SLC35F3: variants seen among roughly 807,000 people sequenced by gnomAD.
SLC35F3 encodes putative thiamine transporter SLC35F3.
In SLC35F3, 25 loss-of-function variants were observed where a neutral mutation model predicts 49.9. The ratio of observed to expected loss-of-function variants is 0.50; its 90% CI spans 0.37 to 0.70. The LOEUF is 0.70. Ranked by LOEUF, SLC35F3 falls within the 30% of genes least tolerant of loss-of-function variation. SLC35F3 has a pLI of 0.00. For synonymous variants in SLC35F3, 275 were observed against 265.4 expected (o/e 1.04, Z -0.35); for missense variants, 525 against 639.8 (o/e 0.82, Z 1.94).
At chr1:234,028,716 C>T (rs927582542) in intron 2 of SLC35F3, among the ~76,000 whole-genome samples, 1 of 152,198 alleles carries the variant, frequency 6.6e-6, no homozygotes, top group African/African-American at 2.4e-5. Context: ...GGCAAAGCTA[C>T]AGGAGGTGGG....
intron 2 of SLC35F3, among the ~76,000 whole-genome samples, chr1:234,126,342 G>A (rs1334322273): frequency 6.6e-6 from 1 of 152,126 alleles, no homozygotes; most frequent in Non-Finnish European, 1.5e-5. Context: ...ATATGTTGTT[G>A]TAAGAGGTAA....
chr1:233,951,912 A>G (rs1395966877), intron 2 of SLC35F3, among the ~76,000 whole-genome samples: 1 of 151,668 alleles, frequency 6.6e-6, no homozygotes, highest in Non-Finnish European at 1.5e-5. Flanking sequence ...TAAAATATTT[A>G]CTTTGTTCAT....
intron 2 of SLC35F3, among the ~76,000 whole-genome samples, chr1:234,189,583 C>T (rs761412780): frequency 4.0e-5 from 6 of 149,180 alleles, no homozygotes; most frequent in Non-Finnish European, 7.4e-5. Context: ...TGTTAAATTA[C>T]CAAACCTAAG....
chr1:234,286,077 T>C (rs1239936194), intron 3 of SLC35F3, among the ~76,000 whole-genome samples: 1 of 152,196 alleles, frequency 6.6e-6, no homozygotes, highest in Non-Finnish European at 1.5e-5. Context: ...GAGAGCATAG[T>C]GATATCGTAT....
At chr1:234,310,170 CA>C (rs1370986954) in intron 4 of SLC35F3, among the ~76,000 whole-genome samples, 2 of 152,212 alleles carry the variant, frequency 1.3e-5, no homozygotes, top group African/African-American at 4.8e-5. Context: ...CACCTTGCTA[CA>C]AACCAGCGCC....
intron 3 of SLC35F3, among the ~76,000 whole-genome samples, chr1:234,284,719 G>A (rs889462412): frequency 2.0e-5 from 3 of 152,174 alleles, no homozygotes; most frequent in African/African-American, 7.2e-5. Flanking sequence ...TCCAAATGCA[G>A]GCATCCAGGT....
chr1:233,975,569 C>T (rs1663066614), intron 2 of SLC35F3, among the ~76,000 whole-genome samples: 1 of 152,176 alleles, frequency 6.6e-6, no homozygotes, highest in African/African-American at 2.4e-5. Flanking sequence ...CCGTCCTTGC[C>T]GACTGTTAGT....
intron 2 of SLC35F3, among the ~76,000 whole-genome samples, chr1:233,929,167 A>T (rs751391334): frequency 2.0e-5 from 3 of 152,174 alleles, no homozygotes; most frequent in Admixed American, 1.3e-4. Flanking sequence ...AATACAATCT[A>T]CCACAAGGGT....
intron 2 of SLC35F3, among the ~76,000 whole-genome samples, chr1:234,021,485 A>G (rs183120692): frequency 6.6e-6 from 1 of 152,344 alleles, no homozygotes; most frequent in East Asian, 1.9e-4. Flanking sequence ...GACTTATTAA[A>G]TGATTACTCA....
chr1:233,965,490 G>A (rs1662888894), intron 2 of SLC35F3, among the ~76,000 whole-genome samples: 1 of 152,142 alleles, frequency 6.6e-6, no homozygotes, highest in African/African-American at 2.4e-5. Flanking sequence ...TGTTTTGGTT[G>A]CCAACATGAG....
chr1:234,255,592 G>A (rs1349816300), intron 3 of SLC35F3, among the ~76,000 whole-genome samples: 1 of 152,164 alleles, frequency 6.6e-6, no homozygotes, highest in African/African-American at 2.4e-5. Flanking sequence ...CCAAAAATTG[G>A]AAGAACCAAG....
At chr1:234,120,004 C>T (rs569434728) in intron 2 of SLC35F3, among the ~76,000 whole-genome samples, 1 of 152,286 alleles carries the variant, frequency 6.6e-6, no homozygotes, top group African/African-American at 2.4e-5. Flanking sequence ...TGGCACCTTC[C>T]ACTGTGCTGG....
At chr1:233,941,863 T>C (rs569332887) in intron 2 of SLC35F3, among the ~76,000 whole-genome samples, 30 of 152,270 alleles carry the variant, frequency 2.0e-4, no homozygotes, top group Non-Finnish European at 3.8e-4. Flanking sequence ...AGTCTGAATG[T>C]ATGCGTACAC....
chr1:234,297,987 A>C (rs1019514953), intron 3 of SLC35F3, among the ~76,000 whole-genome samples: 11 of 151,780 alleles, frequency 7.2e-5, no homozygotes, highest in East Asian at 4.1e-4. Flanking sequence ...CACACACACA[A>C]AAAAAGAGGG....
chr1:234,069,917 G>A (rs935113494), intron 2 of SLC35F3, among the ~76,000 whole-genome samples: 11 of 152,114 alleles, frequency 7.2e-5, no homozygotes, highest in Admixed American at 2.6e-4. Context: ...CTGTGTGCCT[G>A]GAGGATACCC....
intron 3 of SLC35F3, among the ~76,000 whole-genome samples, chr1:234,234,031 C>T (rs1667425373): frequency 6.6e-6 from 1 of 152,122 alleles, no homozygotes; most frequent in South Asian, 2.1e-4. Context: ...ACAGACCTTC[C>T]TTAGGACATC....
intron 2 of SLC35F3, among the ~76,000 whole-genome samples, chr1:234,088,726 CAT>C (rs951730137): frequency 9.9e-5 from 15 of 152,156 alleles, no homozygotes; most frequent in Non-Finnish European, 1.8e-4. Context: ...GGATTTTACA[CAT>C]GTCATAAGGA....
At chr1:234,236,925 T>TTATATATATCTATATA (rs1667480774) in intron 3 of SLC35F3, among the ~76,000 whole-genome samples, 1 of 96,294 alleles carries the variant, frequency 1.0e-5, no homozygotes, top group South Asian at 3.4e-4. Flanking sequence ...AAAAAAAAAA[T>TTATATATATCTATATA]TATATATATA....
At chr1:234,275,201 T>C (rs1390915190) in intron 3 of SLC35F3, among the ~76,000 whole-genome samples, 1 of 152,186 alleles carries the variant, frequency 6.6e-6, no homozygotes, top group African/African-American at 2.4e-5. Context: ...CAAAATTCTT[T>C]AAAATATTGT....
Sources: gnomAD v4.1 joint callset for allele counts (sites outside exome capture counted in the v4.1 genomes callset) on GRCh38, gnomAD v4.1.1 for gene constraint, MANE v1.5 for transcripts, NCBI Gene and HGNC (gene_info 2026-07-23, HGNC 2026-07-21) for gene names.